Variants in CNTN5 observed in about 807,000 individuals in gnomAD.
The protein encoded by CNTN5 is contactin-5.
CNTN5 carries 77 observed loss-of-function variants against 129.1 expected under a neutral mutation model. The observed-to-expected ratio is 0.60, with a 90% CI of 0.50 to 0.72. CNTN5 has a LOEUF of 0.72. Ranked by LOEUF, CNTN5 falls within the 30% of genes least tolerant of loss-of-function variation. The pLI is 0.00. For synonymous variants in CNTN5, 509 were observed against 465.6 expected, an observed-to-expected ratio of 1.09 and a Z score of -1.20; for missense variants, 1,478 against 1,328.8, an observed-to-expected ratio of 1.11 and a Z score of -1.75.
intron 3 of CNTN5, among the ~76,000 whole-genome samples, chr11:99,568,533 T>A (rs1949078078): frequency 6.6e-6 from 1 of 152,334 alleles, no homozygotes; most frequent in African/African-American, 2.4e-5. Flanking sequence ...CAGCTTATTT[T>A]CTGTACCTCA....
intron 1 of CNTN5, among the ~76,000 whole-genome samples, chr11:99,078,466 A>T (rs1865666471): frequency 6.6e-6 from 1 of 152,204 alleles, no homozygotes; most frequent in African/African-American, 2.4e-5. Context: ...TATCAAAGAG[A>T]TATCTGGATG....
chr11:99,972,830 A>T (rs562926567), intron 8 of CNTN5, among the ~76,000 whole-genome samples: 29 of 152,258 alleles, frequency 1.9e-4, no homozygotes, highest in African/African-American at 6.0e-4. Context: ...TATACAAATT[A>T]TCCTCACCCC....
chr11:99,473,621 A>G (rs892336478), intron 2 of CNTN5, among the ~76,000 whole-genome samples: 2 of 151,956 alleles, frequency 1.3e-5, no homozygotes, highest in African/African-American at 4.8e-5. Context: ...TTATGTGTCC[A>G]ACACTTTAAA....
intron 13 of CNTN5, among the ~76,000 whole-genome samples, chr11:100,156,469 TTGTTG>T (rs1461253944): frequency 6.6e-6 from 1 of 152,068 alleles, no homozygotes; most frequent in African/African-American, 2.4e-5. Context: ...TTATCTTTTT[TTGTTG>T]TGCCTCTGCC....
At chr11:99,753,049 A>G (rs1385201373) in intron 3 of CNTN5, among the ~76,000 whole-genome samples, 1 of 151,696 alleles carries the variant, frequency 6.6e-6, no homozygotes, top group Non-Finnish European at 1.5e-5. Flanking sequence ...GGACTCAACA[A>G]TATGTAACAA....
At chr11:99,494,528 G>A (rs1946154292) in intron 2 of CNTN5, among the ~76,000 whole-genome samples, 1 of 152,128 alleles carries the variant, frequency 6.6e-6, no homozygotes, top group Non-Finnish European at 1.5e-5. Flanking sequence ...TTGTAATGGG[G>A]TCCAGGAAGC....
At chr11:99,671,185 C>T (rs608806) in intron 3 of CNTN5, among the ~76,000 whole-genome samples, 79,711 of 150,076 alleles carry the variant, frequency 0.53, 22,160 homozygotes, top group Non-Finnish European at 0.62. Flanking sequence ...ACTTCTCATA[C>T]TGTATGGCAA....
chr11:99,252,515 C>T (rs1372999667), intron 1 of CNTN5, among the ~76,000 whole-genome samples: 1 of 151,286 alleles, frequency 6.6e-6, no homozygotes, highest in Non-Finnish European at 1.5e-5. Context: ...AAAAAAACAT[C>T]TAATGTCTCA....
At chr11:99,059,466 T>C (rs1864781864) in intron 1 of CNTN5, among the ~76,000 whole-genome samples, 1 of 152,106 alleles carries the variant, frequency 6.6e-6, no homozygotes, top group Admixed American at 6.6e-5. Flanking sequence ...CAGAGCTAAA[T>C]GCACACAGAA....
chr11:99,488,848 G>A (rs1945922317), intron 2 of CNTN5, among the ~76,000 whole-genome samples: 1 of 152,080 alleles, frequency 6.6e-6, no homozygotes, highest in Non-Finnish European at 1.5e-5. Flanking sequence ...GTTTGTGGGA[G>A]TTCATTGAAA....
At chr11:99,650,963 A>G (rs574741198) in intron 3 of CNTN5, among the ~76,000 whole-genome samples, 1 of 152,096 alleles carries the variant, frequency 6.6e-6, no homozygotes, top group Non-Finnish European at 1.5e-5. Flanking sequence ...TAAAGAAACC[A>G]AGTTTCTACC....
chr11:99,848,672 T>G (rs1345092733), intron 6 of CNTN5, among the ~76,000 whole-genome samples: 1 of 152,318 alleles, frequency 6.6e-6, no homozygotes, highest in Admixed American at 6.5e-5. Context: ...TATTTGCATA[T>G]GTTACTCAGT....
intron 3 of CNTN5, among the ~76,000 whole-genome samples, chr11:99,780,729 G>A (rs905468507): frequency 1.3e-5 from 2 of 152,050 alleles, no homozygotes; most frequent in African/African-American, 2.4e-5. Context: ...CAAATCTAGA[G>A]TAAAATTACG....
chr11:99,103,972 G>C (rs1265278884), intron 1 of CNTN5, among the ~76,000 whole-genome samples: 1 of 152,128 alleles, frequency 6.6e-6, no homozygotes, highest in African/African-American at 2.4e-5. Flanking sequence ...CTGGCCCCTA[G>C]AGCTATGAGA....
rs12273715 is a variant in CNTN5 at position 99,440,114 on chromosome 11, C to T, written c.-71+114630C>T. The stretch of plus-strand genomic sequence containing the variant: ...TCTTCTGTTAAAACAGAAAACATTC[C>T]TTCACATTTTTTTCTATAACTTTCA... On this transcript the variant is annotated intron_variant, in intron 2 of 24. Coordinates refer to ENST00000524871, the MANE Select transcript of CNTN5 (RefSeq NM_014361.4). Among the ~76,000 whole-genome samples the T allele has an allele frequency of 1.1e-3, 163 of 152,194 alleles. 1 individual carries two copies. The highest frequency in any genetic ancestry group is 3.9e-3 in the African/African-American group (160 of 41,536).
At chr11:99,272,660 A>T (rs1310754164) in intron 1 of CNTN5, among the ~76,000 whole-genome samples, 2 of 151,824 alleles carry the variant, frequency 1.3e-5, no homozygotes, top group African/African-American at 4.8e-5. Context: ...GGTGAAATGC[A>T]CACAATTTAA....
At chr11:100,299,441 G>C (rs1448691502) in intron 20 of CNTN5, 45 bp downstream of exon 20, 1 of 1,261,456 alleles carries the variant, frequency 7.9e-7, no homozygotes, top group Non-Finnish European at 1.1e-6. Context: ...ATTTTACTTT[G>C]TTATACAAAT....
chr11:100,258,710 A>C (rs1264864598), intron 17 of CNTN5, among the ~76,000 whole-genome samples: 1 of 152,220 alleles, frequency 6.6e-6, no homozygotes, highest in East Asian at 1.9e-4. Flanking sequence ...TTATAAGCAA[A>C]GGAGAAGTAA....
At position 99,406,585 on chromosome 11, in the gene CNTN5, G is replaced by T. The variant is rs143755244; in HGVS notation, c.-71+81101G>T. The stretch of plus-strand genomic sequence containing the variant: ...GCCTATGCTCATTCAAAGCCCTGGG[G>T]CTCTACAATCAGCGGGTGGCCAAGC... On this transcript the variant is annotated intron_variant, in intron 2 of 24. Transcript: ENST00000524871. Among the ~76,000 whole-genome samples, 557 of 152,226 alleles carry T rather than the reference G, an allele frequency of 3.7e-3. 4 individuals are homozygous for T. Among genetic ancestry groups the T allele is most frequent in the Middle Eastern group, 0.017 (5 of 294 alleles).
Sources: allele counts gnomAD v4.1 joint callset (sites outside exome capture counted in the v4.1 genomes callset), GRCh38; gene constraint gnomAD v4.1.1; transcripts MANE v1.5; gene names NCBI Gene and HGNC (gene_info 2026-07-23, HGNC 2026-07-21).